Variants in FMO1 observed in about 807,000 individuals in gnomAD.
The protein encoded by FMO1 is flavin-containing monooxygenase 1.
In FMO1, 36 loss-of-function variants were observed where a neutral mutation model predicts 45.4. The observed-to-expected ratio is 0.79, with a 90% CI of 0.61 to 1.05. The LOEUF is 1.05. Ranked by LOEUF, FMO1 falls within the 50% of genes least tolerant of loss-of-function variation. The pLI, the probability that FMO1 is intolerant of heterozygous loss-of-function variation, is 0.00. For synonymous variants in FMO1, 228 were observed against 227.2 expected, an observed-to-expected ratio of 1.00 and a Z score of -0.03; for missense variants, 615 against 640.3, an observed-to-expected ratio of 0.96 and a Z score of 0.43.
rs150935235 is a variant in FMO1, at chr1:171,285,332, G to T, written c.1387G>T (p.Val463Phe). Reference protein sequence around the residue: ...LLTDPHLALTVFFGPCSPYQF... With the variant: ...LLTDPHLALTFFFGPCSPYQF... ...AACGGATCCACATCTGGCTCTGACC[G>T]TCTTCTTTGGCCCATGCTCACCATA... The change falls in exon 9 of 9, where the codon GTC becomes TTC. Residue 463 changes from valine to phenylalanine, a missense_variant. Transcript: ENST00000617670. 6.2e-7 allele frequency: 1 copy of T among 1,613,970 alleles called. No homozygotes were observed. The highest frequency in any genetic ancestry group is 1.1e-5 in the South Asian group (1 of 91,082).
rs28360371 is a variant in FMO1 at position 171,263,847 on chromosome 1, G to A, written c.133-3696G>A. Among the ~76,000 whole-genome samples the A allele has an allele frequency of 8.0e-3, 1,218 of 152,194 alleles. 19 individuals carry two copies. Among genetic ancestry groups the A allele is most frequent in the African/African-American group, 0.027 (1,107 of 41,514 alleles). On this transcript the variant is annotated intron_variant, in intron 2 of 8. Transcript: ENST00000617670. ...GGCTGGCAGGGCCTGGGAATCACTG[G>A]GGCAGATTGCACAGTGAGGCGAACA...
chr1:171,275,656 T>G, intron 4 of FMO1, 148 bp downstream of exon 4: 1 of 599,268 alleles, frequency 1.7e-6, no homozygotes, highest in Non-Finnish European at 2.8e-6. Flanking sequence ...GTTTTGTTTT[T>G]TTCTAGCCAG....
intron 1 of FMO1, among the ~76,000 whole-genome samples, chr1:171,249,429 A>G (rs987323450): frequency 1.3e-5 from 2 of 152,112 alleles, no homozygotes; most frequent in Non-Finnish European, 2.9e-5. Flanking sequence ...TGTGGTTAGG[A>G]ACATTTGAGT....
intron 2 of FMO1, among the ~76,000 whole-genome samples, chr1:171,259,384 G>A (rs1325077733): frequency 6.6e-6 from 1 of 152,158 alleles, no homozygotes; most frequent in South Asian, 2.1e-4. Context: ...AGGTAAAAGA[G>A]CATGCCTCTT....
At position 171,285,358 on chromosome 1, in the gene FMO1, C is replaced by CATGGT; in HGVS notation, c.1413_1414insATGGT (p.Gln472MetfsTer6). The CATGGT allele has an allele frequency of 1.9e-6, 3 of 1,614,024 alleles. No individual in the cohort carries two copies. Among genetic ancestry groups the CATGGT allele is most frequent in the Non-Finnish European group, 2.5e-6 (3 of 1,179,960 alleles). On this transcript the variant is annotated frameshift_variant, in exon 9 of 9. Coordinates refer to ENST00000617670, the MANE Select transcript of FMO1 (RefSeq NM_001282693.2). LOFTEE classifies it low-confidence loss of function (END_TRUNC). Reference sequence around the variant, plus strand: ...TCTTCTTTGGCCCATGCTCACCATACCAGTTCCGCTTGACTGGCCCAGGAA... The same window carrying CATGGT: ...TCTTCTTTGGCCCATGCTCACCATACATGGTCAGTTCCGCTTGACTGGCCCAGGAA...
intron 1 of FMO1, 58 bp from the exon 2 acceptor site, chr1:171,258,024 C>T: frequency 6.3e-7 from 1 of 1,599,938 alleles, no homozygotes; most frequent in South Asian, 1.1e-5. Flanking sequence ...CTTGTTAGAG[C>T]AGCCAAGGGT....
At chr1:171,276,006 T>C (rs1661093165) in intron 4 of FMO1, among the ~76,000 whole-genome samples, 1 of 152,216 alleles carries the variant, frequency 6.6e-6, no homozygotes, top group African/African-American at 2.4e-5. Context: ...AGATTAGTCT[T>C]GGGAGACAAC....
intron 1 of FMO1, among the ~76,000 whole-genome samples, chr1:171,254,375 C>T (rs2101792202): frequency 6.6e-6 from 1 of 152,230 alleles, no homozygotes; most frequent in South Asian, 2.1e-4. Context: ...TAGGCATGAA[C>T]CACCACCCCG....
Position 171,275,459 on chromosome 1 carries a change from C to T in FMO1, c.435C>T (p.Val145=), listed in dbSNP as rs1181948664. ...QESAIFDAVM[V]CTGFLTNPYL... ...CAGCCATCTTTGATGCTGTCATGGTCTGCACTGGCTTTCTTACTAATCCTT... is the reference window on the plus strand; with the variant it reads ...CAGCCATCTTTGATGCTGTCATGGTTTGCACTGGCTTTCTTACTAATCCTT... Residue 145 remains valine (V), a synonymous_variant, in exon 4 of 9, where the codon GTC becomes GTT. Coordinates refer to ENST00000617670, the MANE Select transcript of FMO1 (RefSeq NM_001282693.2). The T allele has an allele frequency of 4.3e-6, 7 of 1,613,518 alleles. No individual in the cohort carries two copies. Among genetic ancestry groups the T allele is most frequent in the South Asian group, 3.3e-5 (3 of 91,010 alleles).
At chr1:171,272,578 C>T (rs1174873052) in intron 3 of FMO1, among the ~76,000 whole-genome samples, 2 of 152,214 alleles carry the variant, frequency 1.3e-5, no homozygotes, top group Non-Finnish European at 2.9e-5. Context: ...AGCAGAGCTG[C>T]CCAAGACCAT....
intron 2 of FMO1, among the ~76,000 whole-genome samples, chr1:171,261,425 T>C (rs916035141): frequency 2.6e-5 from 4 of 152,172 alleles, no homozygotes; most frequent in Non-Finnish European, 5.9e-5. Flanking sequence ...TGGCAATGGC[T>C]GTGCTTGCTA....
At position 171,282,182 on chromosome 1, in the gene FMO1, A is replaced by T; in HGVS notation, c.1032A>T (p.Lys344Asn). ...CCTTCCTTGATGAGTCTGTAGTGAA[A>T]GTTGAAGATGGCCAGGCCTCACTGT... ...AFPFLDESVVKVEDGQASLYK... is the reference protein window; with the variant it reads ...AFPFLDESVVNVEDGQASLYK... The change falls in exon 7 of 9, where the codon AAA (lysine) becomes AAT (asparagine). Residue 344 changes from lysine (K) to asparagine (N), a missense_variant. By Grantham distance (94) the Lys-to-Asn change is moderately conservative. Coordinates refer to ENST00000617670, the MANE Select transcript of FMO1 (RefSeq NM_001282693.2). 1 of 1,614,004 alleles carries T rather than the reference A, an allele frequency of 6.2e-7. No homozygotes were observed. The highest frequency in any genetic ancestry group is 1.7e-5 in the Admixed American group (1 of 60,000).
intron 1 of FMO1, among the ~76,000 whole-genome samples, chr1:171,253,415 C>T (rs1659993001): frequency 6.6e-6 from 1 of 152,128 alleles, no homozygotes; most frequent in Non-Finnish European, 1.5e-5. Context: ...GGCTATGGTC[C>T]CAGCTACTTT....
In FMO1 at chr1:171,278,752, T is replaced by C. The variant is rs1661219484; in HGVS notation, c.508T>C (p.Tyr170His). ...AGGTATTAATGCCTTTAAAGGCCAGTACTTTCATAGCCGGCAATATAAGCA... is the reference window on the plus strand; with the variant it reads ...AGGTATTAATGCCTTTAAAGGCCAGCACTTTCATAGCCGGCAATATAAGCA... ...FPGINAFKGQ[Y>H]FHSRQYKHPD... is the part of the protein sequence containing the mutation. The change falls in exon 5 of 9, where the codon TAC becomes CAC. Residue 170 changes from tyrosine (Y) to histidine (H), a missense_variant. Coordinates refer to ENST00000617670, the MANE Select transcript of FMO1 (RefSeq NM_001282693.2). 1 of 1,609,606 alleles carries C rather than the reference T, an allele frequency of 6.2e-7. No homozygotes were observed. The highest frequency in any genetic ancestry group is 1.3e-5 in the African/African-American group (1 of 74,818).
intron 3 of FMO1, among the ~76,000 whole-genome samples, chr1:171,272,955 T>C (rs1026588116): frequency 2.8e-4 from 43 of 152,270 alleles, no homozygotes; most frequent in African/African-American, 1.0e-3. Context: ...ACATGAGATT[T>C]GGGATGGGCC....
intron 1 of FMO1, among the ~76,000 whole-genome samples, chr1:171,256,317 G>C (rs1336673475): frequency 6.7e-6 from 1 of 149,142 alleles, no homozygotes; most frequent in East Asian, 2.0e-4. Flanking sequence ...ATCCCATCTT[G>C]CGAGTGAGTA....
intron 3 of FMO1, chr1:171,270,836 T>G (rs1660826786): frequency 2.7e-6 from 2 of 738,274 alleles, no homozygotes; most frequent in Non-Finnish European, 4.2e-6. Context: ...CACTGTACAG[T>G]TTAAAAACAA....
chr1:171,274,667 AAAAG>A (rs1425080392), intron 3 of FMO1, among the ~76,000 whole-genome samples: 1 of 152,214 alleles, frequency 6.6e-6, no homozygotes, highest in African/African-American at 2.4e-5. Flanking sequence ...AAAACTTTAA[AAAAG>A]AAAGAAAGAT....
At chr1:171,281,601 T>C (rs778711668) in intron 6 of FMO1, among the ~76,000 whole-genome samples, 2 of 152,182 alleles carry the variant, frequency 1.3e-5, no homozygotes, top group Non-Finnish European at 2.9e-5. Flanking sequence ...AACTTTTTCC[T>C]AGGAAGAGAC....
Sources: allele counts gnomAD v4.1 joint callset (sites outside exome capture counted in the v4.1 genomes callset), GRCh38; gene constraint gnomAD v4.1.1; transcripts MANE v1.5; gene names NCBI Gene and HGNC (gene_info 2026-07-23, HGNC 2026-07-21).